The following CCDC85A variants were observed in gnomAD, a reference collection of about 807,000 sequenced individuals.
CCDC85A encodes the protein coiled-coil domain-containing protein 85A.
Under a neutral mutation model 50.2 loss-of-function variants are expected in CCDC85A, and 38 were observed. That is an observed-to-expected ratio of 0.76 (90% CI 0.58 to 0.99). The LOEUF is 0.99. Among genes scored for constraint, CCDC85A ranks in the 50% least tolerant of loss-of-function variants. CCDC85A has a pLI of 0.00. For missense variants in CCDC85A, 820 were observed against 742.0 expected, an observed-to-expected ratio of 1.11 and a Z score of -1.22; for synonymous variants, 366 against 301.4, an observed-to-expected ratio of 1.21 and a Z score of -2.22.
intron 2 of CCDC85A, among the ~76,000 whole-genome samples, chr2:56,292,542 A>T (rs1184677400): frequency 6.6e-6 from 1 of 152,162 alleles, no homozygotes; most frequent in African/African-American, 2.4e-5. Flanking sequence ...TGATGTGATT[A>T]TTTAGTTAGA....
rs1454970133 is a variant in CCDC85A at position 56,259,667 on chromosome 2, C to T, written c.1240+66227C>T. Among the ~76,000 whole-genome samples the T allele has an allele frequency of 1.3e-5, 2 of 152,182 alleles. 1 individual carries two copies. The highest frequency in any genetic ancestry group is 4.8e-5 in the African/African-American group (2 of 41,456). On this transcript the variant is annotated intron_variant, in intron 2 of 5. Transcript: ENST00000407595. Reference sequence around the variant, plus strand: ...CTGGGACCATTCAAAACTCTGCCTGCCTGGCTGGAGCTGTGTCACCTTCCT... The same window carrying T: ...CTGGGACCATTCAAAACTCTGCCTGTCTGGCTGGAGCTGTGTCACCTTCCT...
intron 2 of CCDC85A, among the ~76,000 whole-genome samples, chr2:56,294,281 C>A (rs1671848317): frequency 6.6e-6 from 1 of 151,996 alleles, no homozygotes; most frequent in Admixed American, 6.6e-5. Context: ...ACACTGGGGC[C>A]TTTTGGGGGG....
At chr2:56,351,815 C>T (rs1170462342) in intron 3 of CCDC85A, among the ~76,000 whole-genome samples, 485 of 151,444 alleles carry the variant, frequency 3.2e-3, no homozygotes, top group African/African-American at 0.011. Flanking sequence ...CTGTTCACTC[C>T]AATGGTAGTT....
In CCDC85A at chr2:56,335,790, C is replaced by T. The variant is rs538328972; in HGVS notation, c.1241-7089C>T. Among the ~76,000 whole-genome samples, 19 of 151,894 alleles carry T rather than the reference C, an allele frequency of 1.3e-4. No homozygotes were observed. The East Asian group carries it at 1.8e-3, about 14-fold the overall frequency. On this transcript the variant is annotated intron_variant, in intron 2 of 5. Coordinates refer to ENST00000407595, the MANE Select transcript of CCDC85A (RefSeq NM_001080433.2). Reference sequence around the variant, plus strand: ...CTAATTTTTGTATCTTTAGTAGAGACGGGATTTCACCATGTTGGCCAGGCT... The same window carrying T: ...CTAATTTTTGTATCTTTAGTAGAGATGGGATTTCACCATGTTGGCCAGGCT...
chr2:56,286,199 T>C (rs892689061), intron 2 of CCDC85A, among the ~76,000 whole-genome samples: 9 of 152,150 alleles, frequency 5.9e-5, no homozygotes, highest in African/African-American at 1.9e-4. Flanking sequence ...CTAGTTGTAA[T>C]TTGTTTTGTA....
At chr2:56,312,284 A>T (rs975059463) in intron 2 of CCDC85A, among the ~76,000 whole-genome samples, 1 of 152,094 alleles carries the variant, frequency 6.6e-6, no homozygotes, top group Non-Finnish European at 1.5e-5. Flanking sequence ...ATGAGGAGAA[A>T]ATGTGACCTA....
chr2:56,350,773 G>A (rs1321295962), intron 3 of CCDC85A, among the ~76,000 whole-genome samples: 1 of 126,188 alleles, frequency 7.9e-6, no homozygotes, highest in South Asian at 2.5e-4. Flanking sequence ...TTTTTCTATT[G>A]CATGGACATA....
At chr2:56,273,176 T>C (rs1670770151) in intron 2 of CCDC85A, among the ~76,000 whole-genome samples, 1 of 152,050 alleles carries the variant, frequency 6.6e-6, no homozygotes, top group African/African-American at 2.4e-5. Flanking sequence ...GTAGAAAATA[T>C]GGTATAAAAG....
At chr2:56,273,736 C>G (rs1301618120) in intron 2 of CCDC85A, among the ~76,000 whole-genome samples, 1 of 150,976 alleles carries the variant, frequency 6.6e-6, no homozygotes, top group Non-Finnish European at 1.5e-5. Flanking sequence ...AAAGGGAAGT[C>G]CCAGGACAAC....
intron 2 of CCDC85A, among the ~76,000 whole-genome samples, chr2:56,272,781 G>T (rs760186227): frequency 1.3e-5 from 2 of 152,164 alleles, no homozygotes; most frequent in African/African-American, 4.8e-5. Context: ...CTGACTGACT[G>T]CTTTTCAGTG....
intron 2 of CCDC85A, among the ~76,000 whole-genome samples, chr2:56,249,328 T>C (rs1171194939): frequency 6.6e-6 from 1 of 152,244 alleles, no homozygotes; most frequent in Non-Finnish European, 1.5e-5. Context: ...ACTTTCTGTC[T>C]TTCTTTGCTC....
chr2:56,351,802 T>A lies in CCDC85A; in HGVS notation c.1317+8847T>A, dbSNP rs187976615. ...GAAAATTTTCTCCCATTTTGTAGGT[T>A]GCCTGTTCACTCCAATGGTAGTTTC... On this transcript the variant is annotated intron_variant, in intron 3 of 5. Coordinates refer to ENST00000407595, the MANE Select transcript of CCDC85A (RefSeq NM_001080433.2). Among the ~76,000 whole-genome samples, 1,250 of 151,896 alleles carry A rather than the reference T, an allele frequency of 8.2e-3. 7 individuals are homozygous for A. The highest frequency in any genetic ancestry group is 0.014 in the Middle Eastern group (4 of 294).
intron 3 of CCDC85A, among the ~76,000 whole-genome samples, chr2:56,370,120 T>C (rs1470849928): frequency 6.6e-6 from 1 of 151,926 alleles, no homozygotes; most frequent in Non-Finnish European, 1.5e-5. Flanking sequence ...CCTCAGAAAA[T>C]AGGAAGTGAC....
chr2:56,378,354 C>G (rs899362032), intron 5 of CCDC85A, among the ~76,000 whole-genome samples: 1 of 152,088 alleles, frequency 6.6e-6, no homozygotes, highest in Non-Finnish European at 1.5e-5. Flanking sequence ...TGTGATGACA[C>G]TATATTCTTC....
At chr2:56,289,022 G>A (rs1280899783) in intron 2 of CCDC85A, among the ~76,000 whole-genome samples, 4 of 152,128 alleles carry the variant, frequency 2.6e-5, no homozygotes. Flanking sequence ...GGCCTAAGTA[G>A]CACTAGAATG....
At chr2:56,291,817 T>C (rs1671723752) in intron 2 of CCDC85A, among the ~76,000 whole-genome samples, 1 of 144,960 alleles carries the variant, frequency 6.9e-6, no homozygotes, top group Admixed American at 7.0e-5. Context: ...AGGGAGGATG[T>C]AACCTGATTT....
At chr2:56,352,911 TGTC>T (rs998425467) in intron 3 of CCDC85A, among the ~76,000 whole-genome samples, 1 of 152,160 alleles carries the variant, frequency 6.6e-6, no homozygotes, top group African/African-American at 2.4e-5. Flanking sequence ...AAAAGAAAAT[TGTC>T]ACAGGTGATA....
At chr2:56,367,287 G>T (rs550436889) in intron 3 of CCDC85A, among the ~76,000 whole-genome samples, 1 of 152,072 alleles carries the variant, frequency 6.6e-6, no homozygotes, top group Non-Finnish European at 1.5e-5. Context: ...TTTCAATTCT[G>T]TTTCTTTTAT....
At chr2:56,381,912 T>A (rs1201777043) in intron 5 of CCDC85A, among the ~76,000 whole-genome samples, 1 of 152,070 alleles carries the variant, frequency 6.6e-6, no homozygotes, top group African/African-American at 2.4e-5. Context: ...CAGTATTATT[T>A]TTATTTTTTA....
Sources: allele counts gnomAD v4.1 joint callset (sites outside exome capture counted in the v4.1 genomes callset), GRCh38; gene constraint gnomAD v4.1.1; transcripts MANE v1.5; gene names NCBI Gene and HGNC (gene_info 2026-07-23, HGNC 2026-07-21).